Variants in PPP1R1C observed in about 807,000 individuals in gnomAD.
PPP1R1C encodes protein phosphatase 1 regulatory subunit 1C.
PPP1R1C carries 15 observed loss-of-function variants against 17.4 expected under a neutral mutation model. That is an observed-to-expected ratio of 0.86 (90% CI 0.58 to 1.33). The LOEUF is 1.33. PPP1R1C is among the 40% of genes most tolerant of loss of function. The pLI, the probability that PPP1R1C is intolerant of heterozygous loss-of-function variation, is 0.00. For synonymous variants in PPP1R1C, 35 were observed against 43.1 expected (o/e 0.81, Z 0.73); for missense variants, 143 against 130.0 (o/e 1.10, Z -0.48).
At chr2:182,062,071 T>C (rs1687866562) in intron 3 of PPP1R1C, among the ~76,000 whole-genome samples, 1 of 152,044 alleles carries the variant, frequency 6.6e-6, no homozygotes, top group South Asian at 2.1e-4. Context: ...ATATAGAATA[T>C]ATGAAACACA....
chr2:182,088,460 G>A (rs971243411), intron 4 of PPP1R1C, among the ~76,000 whole-genome samples: 3 of 152,192 alleles, frequency 2.0e-5, no homozygotes, highest in African/African-American at 7.2e-5. Flanking sequence ...ATAAATTTGG[G>A]AAGAGGTTTG....
chr2:182,008,370 A>G (rs1231161908), intron 2 of PPP1R1C, among the ~76,000 whole-genome samples: 1 of 152,196 alleles, frequency 6.6e-6, no homozygotes, highest in African/African-American at 2.4e-5. Context: ...AAAAACAGAA[A>G]ATGGACTTCT....
intron 4 of PPP1R1C, among the ~76,000 whole-genome samples, chr2:182,071,629 A>C (rs1471134581): frequency 1.3e-5 from 2 of 152,190 alleles, no homozygotes; most frequent in Admixed American, 6.5e-5. Context: ...ACTTCCTTGA[A>C]GGAAATGTCC....
At chr2:182,043,434 GTTAT>G (rs1687245755) in intron 2 of PPP1R1C, among the ~76,000 whole-genome samples, 1 of 152,142 alleles carries the variant, frequency 6.6e-6, no homozygotes. Context: ...CTGCCGTAAT[GTTAT>G]TTATGTTGAA....
chr2:182,045,134 A>T (rs1196439756), intron 2 of PPP1R1C, among the ~76,000 whole-genome samples: 1 of 152,214 alleles, frequency 6.6e-6, no homozygotes, highest in Non-Finnish European at 1.5e-5. Flanking sequence ...ACCCTCAAGT[A>T]AATTACATTT....
chr2:182,045,457 C>G (rs1687314939), intron 2 of PPP1R1C, among the ~76,000 whole-genome samples: 1 of 151,304 alleles, frequency 6.6e-6, no homozygotes, highest in Non-Finnish European at 1.5e-5. Flanking sequence ...AAAAAAACTT[C>G]CATTGATGAT....
chr2:182,010,601 A>G (rs947252628), intron 2 of PPP1R1C, among the ~76,000 whole-genome samples: 60 of 152,094 alleles, frequency 3.9e-4, no homozygotes, highest in African/African-American at 1.3e-3. Context: ...TTTACAATTC[A>G]GAGGCACTTT....
At chr2:182,012,483 T>C (rs988540936) in intron 2 of PPP1R1C, among the ~76,000 whole-genome samples, 3 of 152,090 alleles carry the variant, frequency 2.0e-5, no homozygotes, top group Non-Finnish European at 4.4e-5. Context: ...CCCTTTATGT[T>C]CAGTCTATGT....
chr2:182,033,075 A>G (rs1388640666), intron 2 of PPP1R1C, among the ~76,000 whole-genome samples: 3 of 152,158 alleles, frequency 2.0e-5, no homozygotes, highest in Non-Finnish European at 4.4e-5. Context: ...ATAATTGCCA[A>G]ATCCAGTAAT....
chr2:182,049,119 G>A (rs1687430569), intron 2 of PPP1R1C, among the ~76,000 whole-genome samples: 1 of 152,030 alleles, frequency 6.6e-6, no homozygotes, highest in Non-Finnish European at 1.5e-5. Context: ...GATCACCTGA[G>A]GTCATGAGTT....
intron 2 of PPP1R1C, among the ~76,000 whole-genome samples, chr2:181,979,930 T>C (rs1176182028): frequency 3.3e-5 from 5 of 152,204 alleles, no homozygotes; most frequent in Non-Finnish European, 7.4e-5. Context: ...ACAACACCTG[T>C]AGGCAAATAA....
At chr2:182,120,994 G>C (rs941874310), downstream of PPP1R1C, among the ~76,000 whole-genome samples, 6 of 152,136 alleles carry the variant, frequency 3.9e-5, no homozygotes, top group Admixed American at 2.6e-4. Flanking sequence ...GACTTTCTCA[G>C]AAATTTGAAG....
At chr2:181,988,811 C>T (rs776135906) in intron 2 of PPP1R1C, among the ~76,000 whole-genome samples, 92 of 152,104 alleles carry the variant, frequency 6.0e-4, no homozygotes, top group African/African-American at 2.0e-3. Flanking sequence ...ATAAAAAGAA[C>T]GTAAACTAAT....
At position 181,961,929 on chromosome 2, in the gene PPP1R1C, CATGG is replaced by C; in HGVS notation, n.111+7299_111+7302del. 3 of 743,726 alleles carry C rather than the reference CATGG, an allele frequency of 4.0e-6. No individual in the cohort carries two copies. The highest frequency in any genetic ancestry group is 7.4e-6 in the Non-Finnish European group (3 of 405,116). The allele number at this position is 743,726 out of a possible 1,614,324, so 46.1% of individuals were successfully genotyped here. On this transcript the variant is annotated intron_variant and non_coding_transcript_variant, in intron 1 of 5. Transcript: ENST00000464264. This position sits in a 1 kb window ranked among gnomAD's most constrained non-coding sequence, Gnocchi z 5.8. ...TGGTCATCAGTGACCTTGTGGAGCC[CATGG>C]ATGTCACTCCCCACAGACGGGTGCA...
At chr2:181,982,716 AC>A (rs1685215627), upstream of PPP1R1C, among the ~76,000 whole-genome samples, 1 of 152,070 alleles carries the variant, frequency 6.6e-6, no homozygotes, top group African/African-American at 2.4e-5. Flanking sequence ...CCACAGAAAG[AC>A]TGGTGGTAAG....
chr2:182,093,039 C>T (rs542689636), intron 4 of PPP1R1C, among the ~76,000 whole-genome samples: 9 of 152,346 alleles, frequency 5.9e-5, no homozygotes, highest in Admixed American at 5.9e-4. Context: ...TTCCCCTCTG[C>T]ACTGCCGCAG....
intron 4 of PPP1R1C, among the ~76,000 whole-genome samples, chr2:182,113,667 CT>C (rs770510284): frequency 3.3e-3 from 481 of 144,786 alleles, no homozygotes; most frequent in Middle Eastern, 0.011. Context: ...CCCTTATACT[CT>C]TTTTTTTTTT....
intron 2 of PPP1R1C, among the ~76,000 whole-genome samples, chr2:182,038,030 A>G (rs938849228): frequency 1.3e-5 from 2 of 151,860 alleles, no homozygotes; most frequent in African/African-American, 4.8e-5. Flanking sequence ...TTATATTTAT[A>G]TGTATTTTAT....
chr2:182,080,964 C>T (rs1451760175), intron 4 of PPP1R1C, among the ~76,000 whole-genome samples: 2 of 152,206 alleles, frequency 1.3e-5, no homozygotes, highest in Non-Finnish European at 2.9e-5. Context: ...CTATGCCCCT[C>T]ATCCATGGTC....
Sources: gnomAD v4.1 joint callset for allele counts (sites outside exome capture counted in the v4.1 genomes callset) on GRCh38, gnomAD v4.1.1 for gene constraint, Gnocchi (gnomAD v3.1) non-coding constraint, MANE v1.5 for transcripts, NCBI Gene and HGNC (gene_info 2026-07-23, HGNC 2026-07-21) for gene names.